The following SERPINB7 variants were observed in gnomAD, a reference collection of about 807,000 sequenced individuals.
SERPINB7 encodes the protein serpin family B member 7, also known as serpin B7.
A neutral mutation model predicts 37.4 loss-of-function variants in SERPINB7; 31 were observed. The observed-to-expected ratio is 0.83, with a 90% CI of 0.62 to 1.12. The LOEUF (loss-of-function observed/expected upper bound fraction) is 1.12, where lower values mean the gene tolerates loss of function less well. Among genes scored for constraint, SERPINB7 ranks in the 50% most tolerant of loss-of-function variants. The pLI is 0.00. For synonymous variants in SERPINB7, 163 were observed against 166.1 expected, an observed-to-expected ratio of 0.98 and a Z score of 0.14; for missense variants, 521 against 455.3, an observed-to-expected ratio of 1.14 and a Z score of -1.31.
intron 7 of SERPINB7, among the ~76,000 whole-genome samples, chr18:63,802,023 A>G (rs1883602249): frequency 6.6e-6 from 1 of 152,190 alleles, no homozygotes; most frequent in Non-Finnish European, 1.5e-5. Context: ...TTACATTCAA[A>G]CTATAAACTA....
chr18:63,804,652 T>C lies in SERPINB7; in HGVS notation c.*17T>C, dbSNP rs1283340419. On this transcript the variant is annotated 3_prime_UTR_variant, in exon 8 of 8. Transcript: ENST00000398019. ...TGCCCTTGAAAATCCAATTGGTTTC[T>C]GTTATAGCAGTCCCCACAACATCAA... 6.3e-7 allele frequency: 1 copy of C among 1,583,062 alleles called. No individual in the cohort carries two copies. Among genetic ancestry groups the C allele is most frequent in the Non-Finnish European group, 8.6e-7 (1 of 1,164,578 alleles).
At chr18:63,754,473 A>G (rs1357317343) in intron 1 of SERPINB7, among the ~76,000 whole-genome samples, 4 of 152,184 alleles carry the variant, frequency 2.6e-5, no homozygotes, top group Admixed American at 6.5e-5. Context: ...ACAGATAATC[A>G]TAAGAGGCAT....
intron 1 of SERPINB7, chr18:63,777,888 AC>A (rs2144603757): frequency 9.6e-6 from 1 of 104,144 alleles, no homozygotes; most frequent in African/African-American, 2.8e-5. Context: ...AGACACACAC[AC>A]ACACACACAC....
chr18:63,770,626 T>A (rs1242407481), upstream of SERPINB7, among the ~76,000 whole-genome samples: 1 of 152,056 alleles, frequency 6.6e-6, no homozygotes, highest in African/African-American at 2.4e-5. Context: ...CTGTTGTTGA[T>A]AGTAAACTCT....
At chr18:63,753,172 T>C (rs2049102079) in intron 1 of SERPINB7, 1 of 152,222 alleles carries the variant, frequency 6.6e-6, no homozygotes. Context: ...TTAGATTCCC[T>C]AAGATGGATG....
intron 1 of SERPINB7, among the ~76,000 whole-genome samples, chr18:63,763,083 G>T (rs2049162996): frequency 6.6e-6 from 1 of 152,110 alleles, no homozygotes; most frequent in Non-Finnish European, 1.5e-5. Context: ...TGGGTGAATT[G>T]GGGTTAGACT....
chr18:63,753,366 G>A (rs1047614741), intron 1 of SERPINB7, among the ~76,000 whole-genome samples: 2 of 151,978 alleles, frequency 1.3e-5, no homozygotes, highest in African/African-American at 4.8e-5. Context: ...GACAATTGAC[G>A]GCCGCATCTA....
rs537267511 is a variant in SERPINB7, at chr18:63,801,561, A to G, written c.744+549A>G. 2.3e-4 allele frequency among the ~76,000 whole-genome samples: 35 copies of G among 152,268 alleles called. No individual in the cohort carries two copies. The South Asian group carries it at 6.8e-3, about 30-fold the overall frequency. ...TGGGAGATGAAGTCACTACTACTCA[A>G]ATCAATCTCCCTGAAGGTTTGGAGG... On this transcript the variant is annotated intron_variant, in intron 7 of 7. Coordinates refer to ENST00000398019, the MANE Select transcript of SERPINB7 (RefSeq NM_003784.4).
intron 1 of SERPINB7, among the ~76,000 whole-genome samples, chr18:63,758,801 C>G (rs2049136327): frequency 6.6e-6 from 1 of 152,206 alleles, no homozygotes; most frequent in South Asian, 2.1e-4. Context: ...GAGTTATACT[C>G]TTTGCTTTGG....
At chr18:63,785,704 A>G (rs908104123) in intron 2 of SERPINB7, among the ~76,000 whole-genome samples, 18 of 151,580 alleles carry the variant, frequency 1.2e-4, no homozygotes, top group African/African-American at 4.1e-4. Flanking sequence ...GTTCAGACTC[A>G]TGGTTTCTTT....
Position 63,798,588 on chromosome 18 carries a change from A to AT in SERPINB7, c.455-7dup, listed in dbSNP as rs113041735. The AT allele has an allele frequency of 0.3, 443,562 of 1,476,024 alleles. 64,706 individuals carry two copies. Among genetic ancestry groups the AT allele is most frequent in the African/African-American group, 0.54 (37,438 of 69,298 alleles). The allele number at this position is 1,476,024 out of a possible 1,614,324, so 91.4% of individuals were successfully genotyped here. On this transcript the variant is annotated splice_polypyrimidine_tract_variant and intron_variant, in intron 5 of 7. Transcript: ENST00000398019. ...TATTAAAATAAACATTTTTCCCTCA[A>AT]TTTTTTTTTCAAAAGGCAAAATCAA... is the stretch of plus-strand genomic sequence containing the variant.
intron 1 of SERPINB7, among the ~76,000 whole-genome samples, chr18:63,764,939 C>A (rs144983326): frequency 1.9e-4 from 29 of 152,016 alleles, no homozygotes; most frequent in African/African-American, 5.8e-4. Context: ...TAAACATAAA[C>A]CACAGAAAAA....
chr18:63,778,208 T>C (rs1353769750), intron 1 of SERPINB7: 2 of 152,162 alleles, frequency 1.3e-5, no homozygotes, highest in East Asian at 3.8e-4. Flanking sequence ...TGGAATATAC[T>C]AGATTTTGAG....
chr18:63,800,756 G>T, intron 6 of SERPINB7, 110 bp from the exon 7 acceptor site: 1 of 1,205,664 alleles, frequency 8.3e-7, no homozygotes, highest in Non-Finnish European at 1.2e-6. Flanking sequence ...AAATCTGCAG[G>T]GTCAACTGAG....
At chr18:63,802,813 T>C (rs1464684802) in intron 7 of SERPINB7, among the ~76,000 whole-genome samples, 1 of 152,192 alleles carries the variant, frequency 6.6e-6, no homozygotes, top group African/African-American at 2.4e-5. Flanking sequence ...ACTTTCTGCA[T>C]AGACAAAGAT....
rs1387748880 is a variant in SERPINB7 at position 63,783,182 on chromosome 18, AAGAAAGAGAGAGAG to A, written c.168+646_168+659del. ...AAAACAAAAAGAAAATAAAGAAAGA[AAGAAAGAGAGAGAG>A]AGAGAGAGAGAGAGAGAGAGAGAGA... On this transcript the variant is annotated intron_variant, in intron 2 of 7. Transcript: ENST00000398019. Among the ~76,000 whole-genome samples the A allele has an allele frequency of 3.2e-4, 29 of 91,174 alleles. 1 individual carries two copies. The highest frequency in any genetic ancestry group is 1.1e-3 in the African/African-American group (21 of 19,358). 59.8% of individuals were successfully genotyped at this position (91,174 alleles called of 152,430 possible).
intron 5 of SERPINB7, among the ~76,000 whole-genome samples, chr18:63,796,783 A>G (rs565271302): frequency 1.3e-5 from 2 of 152,320 alleles, no homozygotes; most frequent in South Asian, 4.1e-4. Flanking sequence ...TATTATTTTC[A>G]ATGACCACAG....
At chr18:63,801,731 T>G (rs2049551949) in intron 7 of SERPINB7, among the ~76,000 whole-genome samples, 1 of 152,038 alleles carries the variant, frequency 6.6e-6, no homozygotes, top group African/African-American at 2.4e-5. Flanking sequence ...AGAGGACCGG[T>G]TTAGTCATGA....
intron 1 of SERPINB7, among the ~76,000 whole-genome samples, chr18:63,776,208 A>G (rs1360878343): frequency 2.0e-5 from 3 of 152,030 alleles, no homozygotes; most frequent in Non-Finnish European, 4.4e-5. Flanking sequence ...ATGAAATATA[A>G]TGTAGCTACA....
Sources: allele counts gnomAD v4.1 joint callset (sites outside exome capture counted in the v4.1 genomes callset), GRCh38; gene constraint gnomAD v4.1.1; transcripts MANE v1.5; gene names NCBI Gene and HGNC (gene_info 2026-07-23, HGNC 2026-07-21).